The following HACL1 variants were observed in gnomAD, a reference collection of about 807,000 sequenced individuals.
HACL1 encodes 2-hydroxyacyl-CoA lyase 1, also known as 1600020H07Rik.
In HACL1, 64 loss-of-function variants were observed where a neutral mutation model predicts 74.2. That is an observed-to-expected ratio of 0.86 (90% CI 0.70 to 1.06). The LOEUF (loss-of-function observed/expected upper bound fraction) is 1.06, where lower values mean the gene tolerates loss of function less well. Among genes scored for constraint, HACL1 ranks in the 50% least tolerant of loss-of-function variants. HACL1 has a pLI of 0.00. For synonymous variants in HACL1, 230 were observed against 238.8 expected (o/e 0.96, Z 0.34); for missense variants, 728 against 719.7 (o/e 1.01, Z -0.13).
At chr3:15,579,611 C>A (rs2063688235) in intron 9 of HACL1, among the ~76,000 whole-genome samples, 1 of 152,006 alleles carries the variant, frequency 6.6e-6, no homozygotes, top group Non-Finnish European at 1.5e-5. Context: ...TCCCAAAAGG[C>A]TAAATTAAAA....
chr3:15,600,402 G>C (rs1038134768), intron 2 of HACL1, among the ~76,000 whole-genome samples: 3 of 152,238 alleles, frequency 2.0e-5, no homozygotes, highest in Non-Finnish European at 4.4e-5. Flanking sequence ...TTTCAAGCCC[G>C]CACTACTGAG....
chr3:15,584,809 T>C (rs761560235), intron 7 of HACL1, among the ~76,000 whole-genome samples: 2 of 152,208 alleles, frequency 1.3e-5, no homozygotes, highest in Non-Finnish European at 2.9e-5. Flanking sequence ...TTAAGAAATA[T>C]GAGAATATGA....
At chr3:15,570,156 G>A (rs1268944972) in intron 12 of HACL1, among the ~76,000 whole-genome samples, 3 of 152,048 alleles carry the variant, frequency 2.0e-5, no homozygotes, top group African/African-American at 4.8e-5. Flanking sequence ...CCAACATGGT[G>A]AAACTCCATC....
At chr3:15,565,317 T>C (rs751200688) in intron 14 of HACL1, among the ~76,000 whole-genome samples, 3 of 152,202 alleles carry the variant, frequency 2.0e-5, no homozygotes, top group Non-Finnish European at 2.9e-5. Flanking sequence ...CCACTTCTAG[T>C]TGGTTCCTAG....
chr3:15,580,667 C>T (rs920208760), intron 8 of HACL1, among the ~76,000 whole-genome samples: 6 of 152,182 alleles, frequency 3.9e-5, no homozygotes, highest in Non-Finnish European at 5.9e-5. Context: ...CCTGAACACA[C>T]TATCTTCATT....
intron 2 of HACL1, among the ~76,000 whole-genome samples, chr3:15,598,021 GTT>G (rs942525006): frequency 7.1e-6 from 1 of 140,336 alleles, no homozygotes; most frequent in Non-Finnish European, 1.5e-5. Context: ...GTTTTGTTTT[GTT>G]TTTTTTTTTT....
rs56298314 is a variant in HACL1, at chr3:15,571,772, T to C, written c.994-3A>G. On this transcript the variant is annotated splice_polypyrimidine_tract_variant and splice_region_variant and intron_variant, in intron 11 of 16. Coordinates refer to ENST00000321169, the MANE Select transcript of HACL1 (RefSeq NM_012260.4). ...GTTTTATCAAGTTCCTCTAAAAGCT[T>C]AAAAAAAAAAAAACACACACACACA... 31 of 830,166 alleles carry C rather than the reference T, an allele frequency of 3.7e-5. No individual in the cohort carries two copies. Among genetic ancestry groups the C allele is most frequent in the African/African-American group, 3.7e-4 (19 of 51,386 alleles). The allele number at this position is 830,166 out of a possible 1,614,324, so 51.4% of individuals were successfully genotyped here. A position where few individuals can be genotyped will look rare whatever the true frequency, so the allele number is the denominator to read the frequency against.
Position 15,567,860 on chromosome 3 carries a change from C to G in HACL1, c.1393G>C (p.Val465Leu), listed in dbSNP as rs1289640728. 2 of 1,613,870 alleles carry G rather than the reference C, an allele frequency of 1.2e-6. No individual in the cohort carries two copies. Residue 465 changes from valine (V) to leucine (L), a missense_variant, in exon 14 of 17, where the codon GTA (valine) becomes CTA (leucine). By Grantham distance (32) the Val-to-Leu change is conservative (BLOSUM62 1). Transcript: ENST00000321169. ...DSAFGFSGME[V>L]ETICRYNLPI... ...ATGTTTTACCTGCAGATGGTTTCTA[C>G]CTCCATGCCAGAAAACCCAAATGCA...
In HACL1 at chr3:15,585,198, T is replaced by C. The variant is rs755944930; in HGVS notation, c.554+50A>G. ...AATTCTTCTAAAAAGGTAGGCATTATGATAATACATGTACATTGAAGAAAG... is the reference window on the plus strand; with the variant it reads ...AATTCTTCTAAAAAGGTAGGCATTACGATAATACATGTACATTGAAGAAAG... On this transcript the variant is annotated intron_variant, in intron 7 of 16. Transcript: ENST00000321169. 13 of 885,416 alleles carry C rather than the reference T, an allele frequency of 1.5e-5. No homozygotes were observed. In the South Asian group the frequency reaches 1.7e-4, roughly 11 times the overall value. The allele number at this position is 885,416 out of a possible 1,614,324, so 54.8% of individuals were successfully genotyped here. A position where few individuals can be genotyped will look rare whatever the true frequency, so the allele number is the denominator to read the frequency against.
intron 6 of HACL1, among the ~76,000 whole-genome samples, chr3:15,586,179 T>C (rs1261318909): frequency 6.6e-6 from 1 of 152,194 alleles, no homozygotes; most frequent in Non-Finnish European, 1.5e-5. Flanking sequence ...TAGAGGGTTT[T>C]GGTTTAATCC....
Position 15,564,622 on chromosome 3 carries a change from G to A in HACL1, c.1446C>T (p.Asn482=). 3 of 1,567,572 alleles carry A rather than the reference G, an allele frequency of 1.9e-6. No individual in the cohort carries two copies. The highest frequency in any genetic ancestry group is 2.2e-5 in the South Asian group (2 of 89,056). ...TATCAAAACCTTGGTAAATTCCATTGTTATTCACTACCAACAGTATGATTG... is the reference window on the plus strand; with the variant it reads ...TATCAAAACCTTGGTAAATTCCATTATTATTCACTACCAACAGTATGATTG... ...NLPIILLVVN[N]NGIYQGFDTD... Residue 482 remains asparagine, a synonymous_variant, in exon 15 of 17, where the codon AAC becomes AAT. Coordinates refer to ENST00000321169, the MANE Select transcript of HACL1 (RefSeq NM_012260.4).
At chr3:15,593,778 TTG>T (rs1574946124) in intron 3 of HACL1, among the ~76,000 whole-genome samples, 2 of 149,056 alleles carry the variant, frequency 1.3e-5, no homozygotes, top group East Asian at 4.3e-4. Flanking sequence ...CCAAAATGTT[TTG>T]TGTTTTTTTT....
rs1422282557 is a variant in HACL1 at position 15,601,000 on chromosome 3, G to A, written c.186+90C>T. 1.0e-5 allele frequency: 8 copies of A among 778,780 alleles called. No homozygotes were observed. In the East Asian group the frequency reaches 2.0e-4, roughly 19 times the overall value. 48.2% of individuals were successfully genotyped at this position (778,780 alleles called of 1,614,324 possible). A position where few individuals can be genotyped will look rare whatever the true frequency, so the allele number is the denominator to read the frequency against. On this transcript the variant is annotated intron_variant, in intron 2 of 16. Coordinates refer to ENST00000321169, the MANE Select transcript of HACL1 (RefSeq NM_012260.4). ...ATATATGTAAAGTAGCAGAAGAGTG[G>A]TAAGCGCTATCTGGGTGTTTGCAAT...
At chr3:15,592,444 A>T (rs2063944878) in intron 3 of HACL1, among the ~76,000 whole-genome samples, 1 of 141,672 alleles carries the variant, frequency 7.1e-6, no homozygotes, top group Admixed American at 7.0e-5. Context: ...AGACACACGT[A>T]TACATACACA....
rs533819455 is a variant in HACL1 at position 15,590,209 on chromosome 3, A to T, written c.309-597T>A. On this transcript the variant is annotated intron_variant, in intron 4 of 16. Transcript: ENST00000321169. ...TTCCAGGTATATTGACATAAAATAA[A>T]TTTTTATGCCTTTCTTATTCTTGGG... Among the ~76,000 whole-genome samples, 16 of 152,226 alleles carry T rather than the reference A, an allele frequency of 1.1e-4. No homozygotes were observed. In the South Asian group the frequency reaches 1.2e-3, roughly 12 times the overall value.
chr3:15,580,994 C>T (rs1475056290), intron 8 of HACL1, among the ~76,000 whole-genome samples: 6 of 152,370 alleles, frequency 3.9e-5, no homozygotes, highest in Admixed American at 6.5e-5. Context: ...CTCCACCTCC[C>T]GGGTTCAAGC....
At chr3:15,579,265 A>C (rs2063681123) in intron 9 of HACL1, among the ~76,000 whole-genome samples, 1 of 152,246 alleles carries the variant, frequency 6.6e-6, no homozygotes, top group Non-Finnish European at 1.5e-5. Flanking sequence ...TCTCAAAAGA[A>C]AAGATAATGA....
rs1252944257 is a variant in HACL1 at position 15,592,373 on chromosome 3, GAC to G, written c.228-695_228-694del. On this transcript the variant is annotated intron_variant, in intron 3 of 16. Transcript: ENST00000321169. ...TACTCTATATATATGTATACATACA[GAC>G]ACACGTATACACACACGTGTATACA... is the stretch of plus-strand genomic sequence containing the variant. Among the ~76,000 whole-genome samples the G allele has an allele frequency of 5.4e-5, 8 of 149,008 alleles. No individual in the cohort carries two copies. In the East Asian group the frequency reaches 6.0e-4, roughly 11 times the overall value.
At position 15,601,111 on chromosome 3, in the gene HACL1, G is replaced by C. The variant is rs374481059; in HGVS notation, c.165C>G (p.Ile55Met). 1.2e-6 allele frequency: 2 copies of C among 1,612,384 alleles called. No homozygotes were observed. Among genetic ancestry groups the C allele is most frequent in the East Asian group, 4.5e-5 (2 of 44,876 alleles). The change falls in exon 2 of 17, where the codon ATC (isoleucine) becomes ATG (methionine). Residue 55 changes from isoleucine to methionine, a missense_variant. Coordinates refer to ENST00000321169, the MANE Select transcript of HACL1 (RefSeq NM_012260.4). The part of the protein sequence containing the change: ...IAAQQLGIKY[I>M]GMRNEQAACY... ...TCACCGCTTGCTCATTCCTCATCCC[G>C]ATGTACTTGATGCCTAGCTGCTGGG...
Sources: gnomAD v4.1 joint callset for allele counts (sites outside exome capture counted in the v4.1 genomes callset) on GRCh38, gnomAD v4.1.1 for gene constraint, MANE v1.5 for transcripts, NCBI Gene and HGNC (gene_info 2026-07-23, HGNC 2026-07-21) for gene names.